Variants in WT1 observed in about 807,000 individuals in gnomAD.
The protein encoded by WT1 is Wilms tumor protein.
Under a neutral mutation model 60.8 loss-of-function variants are expected in WT1, and 8 were observed. The observed-to-expected ratio is 0.13, with a 90% CI of 0.08 to 0.24. The LOEUF (loss-of-function observed/expected upper bound fraction) is 0.24. WT1 is among the 10% of genes least tolerant of loss of function. WT1 has a pLI of 1.00. For missense variants in WT1, 568 were observed against 711.8 expected, an observed-to-expected ratio of 0.80 and a Z score of 2.30; for synonymous variants, 312 against 297.1, an observed-to-expected ratio of 1.05 and a Z score of -0.52.
In WT1 at chr11:32,388,598, G is replaced by T. The variant is rs886048221; in HGVS notation, c.*460C>A. On this transcript the variant is annotated 3_prime_UTR_variant, in exon 10 of 10. Transcript: ENST00000452863. ...TGCCTTGCTCTCTGATTTATTTCTTGCTGTTGCTGTTAGTAAATGGAAACC... is the reference window on the plus strand; with the variant it reads ...TGCCTTGCTCTCTGATTTATTTCTTTCTGTTGCTGTTAGTAAATGGAAACC... 2.7e-4 allele frequency: 68 copies of T among 249,970 alleles called. No individual in the cohort carries two copies. Among genetic ancestry groups the T allele is most frequent in the Non-Finnish European group, 4.7e-4 (60 of 127,162 alleles). The allele number at this position is 249,970 out of a possible 1,614,324, so 15.5% of individuals were successfully genotyped here. A position where few individuals can be genotyped will look rare whatever the true frequency, so the allele number is the denominator to read the frequency against.
chr11:32,428,861 TC>T (rs1853164764), intron 1 of WT1: 1 of 598,158 alleles, frequency 1.7e-6, no homozygotes, highest in Non-Finnish European at 3.0e-6. Context: ...CCTCGCTTTT[TC>T]CCAATTTATT....
Position 32,428,704 on chromosome 11 carries a change from G to T in WT1, c.662-85C>A, listed in dbSNP as rs573747031. Reference sequence around the variant, plus strand: ...GGTCTGAACCAGCCACGGGCGGGGGGGGTGTGCGCTGAACCCCGCATTCGG... The same window carrying T: ...GGTCTGAACCAGCCACGGGCGGGGGTGGTGTGCGCTGAACCCCGCATTCGG... On this transcript the variant is annotated intron_variant, in intron 1 of 9. Coordinates refer to ENST00000452863, the MANE Select transcript of WT1 (RefSeq NM_024426.6). 4,595 of 1,552,752 alleles carry T rather than the reference G, an allele frequency of 3.0e-3. 8 individuals carry two copies. The highest frequency in any genetic ancestry group is 3.6e-3 in the Admixed American group (190 of 53,154).
chr11:32,433,737 G>C (rs1413818343), intron 1 of WT1, among the ~76,000 whole-genome samples: 2 of 152,226 alleles, frequency 1.3e-5, no homozygotes, highest in Non-Finnish European at 2.9e-5. Flanking sequence ...AGAGGTGGGC[G>C]GGCATCGGCG....
rs1407234143 is a variant in WT1, at chr11:32,416,499, C to T, written c.1007G>A (p.Gly336Glu). 1 of 1,614,076 alleles carries T rather than the reference C, an allele frequency of 6.2e-7. No individual in the cohort carries two copies. Among genetic ancestry groups the T allele is most frequent in the South Asian group, 1.1e-5 (1 of 91,074 alleles). Residue 336 changes from glycine (G) to glutamate (E), a missense_variant, in exon 5 of 10, where the codon GGG (glycine) becomes GAG (glutamate). Around this residue, in one of 3 missense-constraint regions of WT1, gnomAD observed 523 missense variants for 565.1 expected, o/e 0.93. Transcript: ENST00000452863. ...CGCATTGTCCACTCACTTGCTCTGC[C>T]CTTCTGTCCATTTCACTGAGCTGGA... is the stretch of plus-strand genomic sequence containing the variant.
chr11:32,400,241 C>T (rs772175659), intron 5 of WT1, 197 bp from the exon 6 acceptor site: 10 of 662,756 alleles, frequency 1.5e-5, no homozygotes, highest in Middle Eastern at 2.9e-4. Flanking sequence ...GCCGCCACCT[C>T]GCAGCCCCTC....
chr11:32,399,805 G>T, intron 6 of WT1, 143 bp downstream of exon 6: 1 of 884,428 alleles, frequency 1.1e-6, no homozygotes, highest in African/African-American at 1.7e-5. Flanking sequence ...CAGGGGACGA[G>T]CAGGTGTCCC....
chr11:32,399,624 C>T (rs539336646), intron 6 of WT1, among the ~76,000 whole-genome samples: 1 of 152,206 alleles, frequency 6.6e-6, no homozygotes, highest in Non-Finnish European at 1.5e-5. Context: ...AAGGTCCAAG[C>T]GGTTAATTCA....
intron 5 of WT1, among the ~76,000 whole-genome samples, chr11:32,406,111 C>A (rs542436730): frequency 2.0e-5 from 3 of 152,254 alleles, no homozygotes; most frequent in African/African-American, 7.2e-5. Context: ...CCACTTTAGC[C>A]TTCTTCAGCT....
rs1853459569 is a variant in WT1 at position 32,435,035 on chromosome 11, G to T, written c.326C>A (p.Pro109Gln). Residue 109 changes from proline (P) to glutamine (Q), a missense_variant, in exon 1 of 10, where the codon CCG becomes CAG. Around this residue, in one of 3 missense-constraint regions of WT1, gnomAD observed 523 missense variants for 565.1 expected, o/e 0.93. Coordinates refer to ENST00000452863, the MANE Select transcript of WT1 (RefSeq NM_024426.6). ...GCCCGGGGGCGCAAAGTCCAGCACCGGCGCCCACTGCGCCGCGCCGCTCAC... is the reference window on the plus strand; with the variant it reads ...GCCCGGGGGCGCAAAGTCCAGCACCTGCGCCCACTGCGCCGCGCCGCTCAC... 6.8e-7 allele frequency: 1 copy of T among 1,461,586 alleles called. No homozygotes were observed. Among genetic ancestry groups the T allele is most frequent in the Non-Finnish European group, 8.9e-7 (1 of 1,118,608 alleles). The allele number at this position is 1,461,586 out of a possible 1,614,324, so 90.5% of individuals were successfully genotyped here.
At chr11:32,416,353 G>C (rs1852667913) in intron 5 of WT1, 137 bp downstream of exon 5, 2 of 1,051,588 alleles carry the variant, frequency 1.9e-6, no homozygotes, top group Non-Finnish European at 2.9e-6. Flanking sequence ...AAGAGGTGGG[G>C]GCGGGGGAGA....
chr11:32,394,501 C>G (rs1043948283), intron 7 of WT1, among the ~76,000 whole-genome samples: 1 of 152,170 alleles, frequency 6.6e-6, no homozygotes, highest in African/African-American at 2.4e-5. Flanking sequence ...AGCTCCCAAA[C>G]AAACCAGGAA....
At chr11:32,402,166 C>T (rs966319719) in intron 5 of WT1, among the ~76,000 whole-genome samples, 7 of 152,198 alleles carry the variant, frequency 4.6e-5, no homozygotes, top group Non-Finnish European at 8.8e-5. Flanking sequence ...GAACTGCCTG[C>T]CCCTCTAACC....
intron 5 of WT1, among the ~76,000 whole-genome samples, chr11:32,401,487 C>A (rs1370908505): frequency 1.4e-5 from 2 of 141,554 alleles, no homozygotes; most frequent in Non-Finnish European, 3.0e-5. Context: ...ATCTATAAAT[C>A]TGCTTTTAAA....
Position 32,428,523 on chromosome 11 carries a change from T to A in WT1, c.758A>T (p.Asp253Val). The change falls in exon 2 of 10, where the codon GAT becomes GTT. Residue 253 changes from aspartate (D) to valine (V), a missense_variant. Around this residue, in one of 3 missense-constraint regions of WT1, gnomAD observed 523 missense variants for 565.1 expected, o/e 0.93. Coordinates refer to ENST00000452863, the MANE Select transcript of WT1 (RefSeq NM_024426.6). ...CAGCGAGCCCTGCTGGCCCATGGGA[T>A]CCTCATGCTTGAATGAGTGGTTGGG... 6.2e-7 allele frequency: 1 copy of A among 1,614,158 alleles called. No homozygotes were observed. Among genetic ancestry groups the A allele is most frequent in the Non-Finnish European group, 8.5e-7 (1 of 1,180,030 alleles).
intron 4 of WT1, 137 bp downstream of exon 4, chr11:32,417,440 G>T: frequency 1.3e-6 from 1 of 774,694 alleles, no homozygotes; most frequent in Non-Finnish European, 2.2e-6. Flanking sequence ...GGGGAAGGAG[G>T]AAAGCGTTCT....
rs1412336417 is a variant in WT1, at chr11:32,396,362, C to T, written c.1159G>A (p.Ala387Thr). The change falls in exon 7 of 10, where the codon GCA (alanine) becomes ACA (threonine). Residue 387 changes from alanine (A) to threonine (T), a missense_variant. This residue lies in a region of WT1 where 523 missense variants were observed against 565.1 expected (regional missense o/e 0.93). Transcript: ENST00000452863. ...GGGCGTTTCTCACTGGTCTCAGATGCCGACCGTACAAGAGTCGGGGCTACT... is the reference window on the plus strand; with the variant it reads ...GGGCGTTTCTCACTGGTCTCAGATGTCGACCGTACAAGAGTCGGGGCTACT... The T allele has an allele frequency of 1.9e-6, 3 of 1,614,150 alleles. No homozygotes were observed. Among genetic ancestry groups the T allele is most frequent in the South Asian group, 2.2e-5 (2 of 91,074 alleles).
At chr11:32,429,992 G>GA (rs1289404585) in intron 1 of WT1, among the ~76,000 whole-genome samples, 1 of 107,494 alleles carries the variant, frequency 9.3e-6, no homozygotes, top group Non-Finnish European at 1.7e-5. Context: ...AAAAAAAAAA[G>GA]AAAAAGAAAA....
At chr11:32,403,342 C>A (rs922669592) in intron 5 of WT1, among the ~76,000 whole-genome samples, 1 of 152,014 alleles carries the variant, frequency 6.6e-6, no homozygotes, top group African/African-American at 2.4e-5. Context: ...TTTTAAAAAG[C>A]AACTCGGTCT....
chr11:32,395,802 C>G (rs141740590), intron 7 of WT1, among the ~76,000 whole-genome samples: 1 of 151,920 alleles, frequency 6.6e-6, no homozygotes, highest in Non-Finnish European at 1.5e-5. Flanking sequence ...AACTAACAAT[C>G]AATTTTCCCC....
Sources: allele counts gnomAD v4.1 joint callset (sites outside exome capture counted in the v4.1 genomes callset), GRCh38; gene constraint gnomAD v4.1.1; regional missense constraint gnomAD v4.1.1; transcripts MANE v1.5; gene names NCBI Gene and HGNC (gene_info 2026-07-23, HGNC 2026-07-21).